Variants in PARN observed in about 807,000 individuals in gnomAD.
PARN encodes poly(A)-specific ribonuclease.
Under a neutral mutation model 102.8 loss-of-function variants are expected in PARN, and 71 were observed. That is an observed-to-expected ratio of 0.69 (90% CI 0.57 to 0.84). PARN has a LOEUF of 0.84. Ranked by LOEUF, PARN falls within the 40% of genes least tolerant of loss-of-function variation. The pLI, the probability that PARN is intolerant of heterozygous loss-of-function variation, is 0.00. For synonymous variants in PARN, 261 were observed against 252.9 expected, an observed-to-expected ratio of 1.03 and a Z score of -0.30; for missense variants, 782 against 760.9, an observed-to-expected ratio of 1.03 and a Z score of -0.33.
At chr16:14,516,532 T>TGA (rs774088915) in intron 21 of PARN, among the ~76,000 whole-genome samples, 2 of 152,218 alleles carry the variant, frequency 1.3e-5, no homozygotes, top group African/African-American at 2.4e-5. Context: ...CATCACACTT[T>TGA]GAGAGAAGCA....
At chr16:14,440,777 C>T (rs908971252) in intron 23 of PARN, among the ~76,000 whole-genome samples, 1 of 152,122 alleles carries the variant, frequency 6.6e-6, no homozygotes, top group African/African-American at 2.4e-5. Flanking sequence ...CGCATGATTC[C>T]AGGTATATGA....
intron 6 of PARN, among the ~76,000 whole-genome samples, chr16:14,616,284 T>G (rs372365058): frequency 6.6e-6 from 1 of 152,146 alleles, no homozygotes; most frequent in Non-Finnish European, 1.5e-5. Flanking sequence ...CTCCCTGATG[T>G]AGAAGAGAAA....
intron 10 of PARN, 89 bp from the exon 11 acceptor site, chr16:14,604,315 C>A: frequency 1.3e-6 from 1 of 779,990 alleles, no homozygotes. Context: ...GGCTGGAGTG[C>A]AATTGCATGA....
At chr16:14,470,184 T>A (rs774721844) in intron 22 of PARN, among the ~76,000 whole-genome samples, 4 of 152,128 alleles carry the variant, frequency 2.6e-5, no homozygotes, top group Non-Finnish European at 4.4e-5. Context: ...AAACTTAGCT[T>A]CATGTTATTT....
intron 22 of PARN, among the ~76,000 whole-genome samples, chr16:14,480,930 C>T (rs930478102): frequency 2.0e-5 from 3 of 147,960 alleles, no homozygotes; most frequent in Admixed American, 1.4e-4. Context: ...AAGAGCAAGA[C>T]CTGCCTCAAA....
chr16:14,481,071 T>C (rs952369380), intron 22 of PARN, among the ~76,000 whole-genome samples: 1 of 152,214 alleles, frequency 6.6e-6, no homozygotes. Flanking sequence ...TAAAATGCTA[T>C]ATCCACTTTG....
chr16:14,613,374 C>T (rs1049161830), intron 6 of PARN, among the ~76,000 whole-genome samples: 2 of 150,310 alleles, frequency 1.3e-5, no homozygotes, highest in Non-Finnish European at 3.0e-5. Flanking sequence ...ATAATCCCAG[C>T]ACTTTGGGAG....
At chr16:14,550,762 T>C (rs1967247511) in intron 21 of PARN, among the ~76,000 whole-genome samples, 2 of 152,208 alleles carry the variant, frequency 1.3e-5, no homozygotes, top group Non-Finnish European at 2.9e-5. Context: ...ACTTAAAAAT[T>C]TCACATCTTT....
intron 22 of PARN, among the ~76,000 whole-genome samples, chr16:14,450,691 A>G (rs895353383): frequency 1.3e-5 from 2 of 152,150 alleles, no homozygotes; most frequent in African/African-American, 4.8e-5. Context: ...TACCCTACTA[A>G]AAGGAACCAG....
chr16:14,517,732 G>A (rs1200964428), intron 21 of PARN, among the ~76,000 whole-genome samples: 1 of 152,176 alleles, frequency 6.6e-6, no homozygotes, highest in Non-Finnish European at 1.5e-5. Flanking sequence ...AGGCTAGAGT[G>A]CAGTGGCAAA....
chr16:14,549,374 G>C (rs113132604), intron 21 of PARN, among the ~76,000 whole-genome samples: 1 of 152,074 alleles, frequency 6.6e-6, no homozygotes, highest in South Asian at 2.1e-4. Context: ...TGTGTGTCAG[G>C]TATGAGAGAG....
chr16:14,604,989 G>C (rs1048762811), intron 10 of PARN, among the ~76,000 whole-genome samples: 5 of 152,106 alleles, frequency 3.3e-5, no homozygotes, highest in Non-Finnish European at 4.4e-5. Flanking sequence ...GCTCAGGCTG[G>C]AGTGCAGTGG....
In PARN at chr16:14,546,192, C is replaced by G. The variant is rs74570244; in HGVS notation, c.1480+5829G>C. ...CACAGGTAAAGTTCAAAGTTATAAG[C>G]AGCCTTTTAGCAAATTCAGGGCTGA... On this transcript the variant is annotated intron_variant, in intron 21 of 23. Coordinates refer to ENST00000437198, the MANE Select transcript of PARN (RefSeq NM_002582.4). 8.5e-4 allele frequency among the ~76,000 whole-genome samples: 129 copies of G among 152,316 alleles called. 2 individuals are homozygous for G. The East Asian group carries it at 0.021, about 25-fold the overall frequency.
At chr16:14,457,937 T>A (rs538602462) in intron 22 of PARN, among the ~76,000 whole-genome samples, 1 of 150,098 alleles carries the variant, frequency 6.7e-6, no homozygotes, top group East Asian at 2.0e-4. Context: ...TGTGGGTGTG[T>A]GTGTGTGTGT....
intron 5 of PARN, among the ~76,000 whole-genome samples, chr16:14,619,242 C>T (rs1182419765): frequency 6.6e-6 from 1 of 152,040 alleles, no homozygotes; most frequent in East Asian, 1.9e-4. Context: ...CAATAATAAG[C>T]CTTACGAAAC....
At chr16:14,544,029 C>T (rs547595356) in intron 21 of PARN, among the ~76,000 whole-genome samples, 1 of 152,114 alleles carries the variant, frequency 6.6e-6, no homozygotes, top group Non-Finnish European at 1.5e-5. Flanking sequence ...ACCGTCTCTA[C>T]TAAAAATACA....
intron 12 of PARN, among the ~76,000 whole-genome samples, chr16:14,597,497 C>T (rs571054897): frequency 6.6e-6 from 1 of 151,998 alleles, no homozygotes; most frequent in East Asian, 2.0e-4. Flanking sequence ...GAGACCGAGA[C>T]CATCCTGGCT....
At chr16:14,521,624 T>C (rs1965734732) in intron 21 of PARN, among the ~76,000 whole-genome samples, 1 of 151,990 alleles carries the variant, frequency 6.6e-6, no homozygotes, top group African/African-American at 2.4e-5. Context: ...CATGAAGAAA[T>C]CCCATCTCTA....
intron 6 of PARN, among the ~76,000 whole-genome samples, chr16:14,615,849 C>A (rs1320331102): frequency 1.3e-5 from 2 of 149,222 alleles, no homozygotes; most frequent in African/African-American, 2.5e-5. Flanking sequence ...TGCGGTGAGT[C>A]GAGATCATAC....
Sources: allele counts gnomAD v4.1 joint callset (sites outside exome capture counted in the v4.1 genomes callset), GRCh38; gene constraint gnomAD v4.1.1; transcripts MANE v1.5; gene names NCBI Gene and HGNC (gene_info 2026-07-23, HGNC 2026-07-21).